The following HK1 variants were observed in gnomAD, a reference collection of about 807,000 sequenced individuals.
The protein encoded by HK1 is hexokinase-1.
HK1 carries 28 observed loss-of-function variants against 91.6 expected under a neutral mutation model. That is an observed-to-expected ratio of 0.31 (90% CI 0.23 to 0.42). The LOEUF (loss-of-function observed/expected upper bound fraction) is 0.42. HK1 is among the 10% of genes least tolerant of loss of function. The pLI is 1.00. For synonymous variants in HK1, 430 were observed against 468.1 expected, an observed-to-expected ratio of 0.92 and a Z score of 1.05; for missense variants, 770 against 1,219.8, an observed-to-expected ratio of 0.63 and a Z score of 5.49.
At chr10:69,362,642 C>T (rs1490392900) in intron 3 of HK1, among the ~76,000 whole-genome samples, 1 of 152,042 alleles carries the variant, frequency 6.6e-6, no homozygotes, top group African/African-American at 2.4e-5. Context: ...GGCCTGGATC[C>T]GGGAACTGGT....
upstream of HK1, chr10:69,317,956 A>T (rs1846734778): frequency 1.3e-6 from 1 of 769,422 alleles, no homozygotes; most frequent in Non-Finnish European, 1.6e-6. Context: ...CTGGGAAAGT[A>T]GAAAACACGG....
In HK1 at chr10:69,298,072, G is replaced by A. The variant is rs572085545; in HGVS notation, c.-67+2392G>A. Among the ~76,000 whole-genome samples, 400 of 149,000 alleles carry A rather than the reference G, an allele frequency of 2.7e-3. 19 individuals are homozygous for A. The highest frequency in any genetic ancestry group is 9.7e-3 in the African/African-American group (386 of 39,898). ...CTAAAAATACAAAAATTAGCCAGGCGTGGTGGCAGGCACCTGTAATCCCAG... is the reference window on the plus strand; with the variant it reads ...CTAAAAATACAAAAATTAGCCAGGCATGGTGGCAGGCACCTGTAATCCCAG... On this transcript the variant is annotated intron_variant, in intron 4 of 21. Coordinates refer to the HK1 transcript ENST00000360289.
At chr10:69,277,247 C>T (rs1844518109) in intron 1 of HK1, among the ~76,000 whole-genome samples, 2 of 152,226 alleles carry the variant, frequency 1.3e-5, no homozygotes, top group African/African-American at 4.8e-5. Flanking sequence ...TTTGAGTAAT[C>T]TGTTTTGTGT....
At chr10:69,293,364 C>T (rs1052035185) in intron 3 of HK1, among the ~76,000 whole-genome samples, 7 of 152,116 alleles carry the variant, frequency 4.6e-5, no homozygotes, top group Non-Finnish European at 7.4e-5. Flanking sequence ...ATTCCAGCAA[C>T]CAGAAAGTCA....
chr10:69,398,885 G>C (rs916992956), intron 17 of HK1, 57 bp downstream of exon 17: 1 of 1,356,320 alleles, frequency 7.4e-7, no homozygotes, highest in South Asian at 1.2e-5. Context: ...TTTGGGTTAG[G>C]GGGTATCAGG....
intron 2 of HK1, among the ~76,000 whole-genome samples, chr10:69,348,425 T>A (rs2132704851): frequency 6.6e-6 from 1 of 152,368 alleles, no homozygotes; most frequent in South Asian, 2.1e-4. Context: ...ATTCTCTCTA[T>A]CTGTGAAACC....
At chr10:69,276,114 A>ATAT (rs1564746767) in intron 1 of HK1, among the ~76,000 whole-genome samples, 13 of 40,580 alleles carry the variant, frequency 3.2e-4, no homozygotes, top group South Asian at 1.1e-3. Flanking sequence ...AAAAAAAAAA[A>ATAT]AAAAATACAT....
chr10:69,338,713 GTACT>G lies in HK1; in HGVS notation c.64-5112_64-5109del, dbSNP rs59834379. On this transcript the variant is annotated intron_variant, in intron 1 of 17. Transcript: ENST00000359426. ...TGTGTGTGTGTGTGTGTGTGTGTAA[GTACT>G]TGTGTGTGTATGTGTGAGTGTGTGA... 3,980 of 1,268,554 alleles carry G rather than the reference GTACT, an allele frequency of 3.1e-3. 102 individuals carry two copies. The African/African-American group carries it at 0.055, about 18-fold the overall frequency. 78.6% of individuals were successfully genotyped at this position (1,268,554 alleles called of 1,614,324 possible).
In HK1 at chr10:69,369,347, C is replaced by T; in HGVS notation, c.691+11C>T. The stretch of plus-strand genomic sequence containing the variant: ...TCGGCCTGATCATCGGTAATGCATT[C>T]CCCTTTGCCCATCCATTTGTTCGGC... On this transcript the variant is annotated intron_variant, in intron 6 of 17. Coordinates refer to ENST00000359426, the MANE Select transcript of HK1 (RefSeq NM_000188.3). This position sits in a 1 kb window ranked among gnomAD's most constrained non-coding sequence, Gnocchi z 4.4. 3 of 1,613,192 alleles carry T rather than the reference C, an allele frequency of 1.9e-6. No homozygotes were observed. The highest frequency in any genetic ancestry group is 2.5e-6 in the Non-Finnish European group (3 of 1,179,092).
At position 69,388,265 on chromosome 10, in the gene HK1, C is replaced by T. The variant is rs375499804; in HGVS notation, c.1936-932C>T. On this transcript the variant is annotated intron_variant, in intron 13 of 17. Coordinates refer to ENST00000359426, the MANE Select transcript of HK1 (RefSeq NM_000188.3). ...GACCAGCCTGGGTAACGTAGTAAGA[C>T]CCCGTCTCTATAAGAAATTAAAAAA... Among the ~76,000 whole-genome samples the T allele has an allele frequency of 3.5e-4, 53 of 152,190 alleles. No individual in the cohort carries two copies. The Middle Eastern group carries it at 0.01, about 29-fold the overall frequency.
chr10:69,299,286 C>G (rs1330393352), intron 4 of HK1, among the ~76,000 whole-genome samples: 1 of 151,758 alleles, frequency 6.6e-6, no homozygotes, highest in African/African-American at 2.4e-5. Flanking sequence ...GACCCTCCCA[C>G]CTGGTCTCCC....
At chr10:69,356,997 C>A (rs1218671788) in intron 2 of HK1, among the ~76,000 whole-genome samples, 1 of 151,816 alleles carries the variant, frequency 6.6e-6, no homozygotes, top group Non-Finnish European at 1.5e-5. Context: ...TACTCAACAC[C>A]ATTAGTCATC....
In HK1 at chr10:69,341,858, T is replaced by G. The variant is rs563078212; in HGVS notation, c.64-1969T>G. Among the ~76,000 whole-genome samples, 18 of 151,168 alleles carry G rather than the reference T, an allele frequency of 1.2e-4. No homozygotes were observed. The East Asian group carries it at 3.1e-3, about 26-fold the overall frequency. On this transcript the variant is annotated intron_variant, in intron 1 of 17. Coordinates refer to ENST00000359426, the MANE Select transcript of HK1 (RefSeq NM_000188.3). ...AGGTGGTAGGGCTAGTGGTTAGGAG[T>G]GGGGGCAAGGATCATCCTTGGGCGC...
At chr10:69,321,079 G>A (rs1846995305) in intron 1 of HK1, among the ~76,000 whole-genome samples, 1 of 152,178 alleles carries the variant, frequency 6.6e-6, no homozygotes, top group South Asian at 2.1e-4. Context: ...TTGTCAAGGA[G>A]ATTCTTAAAA....
intron 1 of HK1, among the ~76,000 whole-genome samples, chr10:69,330,223 G>A (rs990306538): frequency 6.6e-6 from 1 of 152,216 alleles, no homozygotes; most frequent in African/African-American, 2.4e-5. Flanking sequence ...GTCTGGGTGG[G>A]TGTGGTGAGT....
At chr10:69,295,760 A>G (rs915648882) in intron 4 of HK1, 2 of 943,242 alleles carry the variant, frequency 2.1e-6, no homozygotes, top group African/African-American at 3.2e-5. Context: ...CCTTTGGGAT[A>G]ATGATTTTCA....
chr10:69,374,353 G>A (rs565969784), intron 7 of HK1, among the ~76,000 whole-genome samples: 34 of 152,324 alleles, frequency 2.2e-4, no homozygotes, highest in African/African-American at 7.2e-4. Flanking sequence ...CCACCAGCAG[G>A]CAGATTGGTT....
At chr10:69,378,757 A>G (rs995030018) in intron 8 of HK1, among the ~76,000 whole-genome samples, 1 of 152,194 alleles carries the variant, frequency 6.6e-6, no homozygotes, top group Non-Finnish European at 1.5e-5. Context: ...CTCTTCTCCC[A>G]TCATAAAATT....
Position 69,379,920 on chromosome 10 carries a change from T to A in HK1, c.1090T>A (p.Ser364Thr). The A allele has an allele frequency of 6.2e-7, 1 of 1,614,192 alleles. No homozygotes were observed. The highest frequency in any genetic ancestry group is 8.5e-7 in the Non-Finnish European group (1 of 1,180,034). The change falls in exon 9 of 18, where the codon TCC (serine) becomes ACC (threonine). Residue 364 changes from serine to threonine, a missense_variant. By Grantham distance (58) the Ser-to-Thr change is moderately conservative (BLOSUM62 1). Coordinates refer to ENST00000359426, the MANE Select transcript of HK1 (RefSeq NM_000188.3). ...CCTGACCCGCCTGGGAGTGGAGCCG[T>A]CCGATGATGACTGTGTCTCAGTCCA... ...EILTRLGVEP[S>T]DDDCVSVQHV...
Sources: gnomAD v4.1 joint callset for allele counts (sites outside exome capture counted in the v4.1 genomes callset) on GRCh38, gnomAD v4.1.1 for gene constraint, Gnocchi (gnomAD v3.1) non-coding constraint, MANE v1.5 for transcripts, NCBI Gene and HGNC (gene_info 2026-07-23, HGNC 2026-07-21) for gene names.